DAB1: variants seen among roughly 807,000 people sequenced by gnomAD.
The protein encoded by DAB1 is DAB adaptor protein 1.
In DAB1, 15 loss-of-function variants were observed where a neutral mutation model predicts 64.6. The observed-to-expected ratio is 0.23, with a 90% confidence interval of 0.16 to 0.36. DAB1 has a LOEUF of 0.36. DAB1 is among the 10% of genes least tolerant of loss of function. The pLI is 1.00. For missense variants in DAB1, 596 were observed against 706.7 expected, an observed-to-expected ratio of 0.84 and a Z score of 1.78; for synonymous variants, 235 against 251.9, an observed-to-expected ratio of 0.93 and a Z score of 0.64.
intron 7 of DAB1, chr1:57,070,715 A>C (rs1013390426): frequency 4.4e-5 from 16 of 366,412 alleles, no homozygotes; most frequent in African/African-American, 2.9e-4. Flanking sequence ...ATGAACTCAG[A>C]ATATTCAAGA....
Position 58,300,642 on chromosome 1 carries a change from G to A in DAB1, n.309+42710C>T, listed in dbSNP as rs1233300379. Among the ~76,000 whole-genome samples, 275 of 51,630 alleles carry A rather than the reference G, an allele frequency of 5.3e-3. 6 individuals carry two copies. The highest frequency in any genetic ancestry group is 9.8e-3 in the Admixed American group (48 of 4,878). 33.9% of individuals were successfully genotyped at this position (51,630 alleles called of 152,430 possible). On this transcript the variant is annotated intron_variant and non_coding_transcript_variant, in intron 4 of 20. Coordinates refer to the DAB1 transcript ENST00000485760. The stretch of plus-strand genomic sequence containing the variant: ...AGAGAGAGAGAGAGAGAGAGAGAGA[G>A]AGAGAGGAAGGAAGGAAGGAAGGAA...
rs114352991 is a variant in DAB1 at position 58,286,613 on chromosome 1, A to G, written n.309+56739T>C. Among the ~76,000 whole-genome samples, 815 of 152,356 alleles carry G rather than the reference A, an allele frequency of 5.3e-3. 8 individuals carry two copies. Among genetic ancestry groups the G allele is most frequent in the African/African-American group, 0.019 (774 of 41,576 alleles). On this transcript the variant is annotated intron_variant and non_coding_transcript_variant, in intron 4 of 20. Coordinates refer to the DAB1 transcript ENST00000485760. ...TAGAGAAATGCAAATCCAAACTACA[A>G]TGAGATACTATCTCACACCAGCCAA...
At chr1:57,841,629 G>A (rs1325891803) in intron 1 of DAB1, among the ~76,000 whole-genome samples, 4 of 152,206 alleles carry the variant, frequency 2.6e-5, no homozygotes, top group Admixed American at 2.0e-4. Context: ...TGAATCAATG[G>A]CCTGAGCTGT....
chr1:58,021,279 T>G (rs1342858806), intron 5 of DAB1, among the ~76,000 whole-genome samples: 1 of 152,236 alleles, frequency 6.6e-6, no homozygotes, highest in African/African-American at 2.4e-5. Flanking sequence ...CATGTGCGTA[T>G]GACCTAAATC....
At chr1:57,189,636 A>C (rs1032109368) in intron 2 of DAB1, among the ~76,000 whole-genome samples, 1 of 152,084 alleles carries the variant, frequency 6.6e-6, no homozygotes, top group Non-Finnish European at 1.5e-5. Context: ...TCAAGCCTAG[A>C]GATACAAAGT....
chr1:58,464,645 G>C (rs1003365732), intron 3 of DAB1, among the ~76,000 whole-genome samples: 1 of 152,154 alleles, frequency 6.6e-6, no homozygotes, highest in African/African-American at 2.4e-5. Context: ...ATAACACAAA[G>C]ATATAGCACT....
At chr1:58,463,630 G>GT in intron 3 of DAB1, among the ~76,000 whole-genome samples, 1 of 152,318 alleles carries the variant, frequency 6.6e-6, no homozygotes, top group Middle Eastern at 3.4e-3. Flanking sequence ...GTGTGTACAT[G>GT]TATCTACGGC....
At chr1:57,537,429 G>C (rs1644743764) in intron 7 of DAB1, among the ~76,000 whole-genome samples, 1 of 152,150 alleles carries the variant, frequency 6.6e-6, no homozygotes, top group African/African-American at 2.4e-5. Context: ...ATATTACCTT[G>C]GGCTTTTCTC....
intron 5 of DAB1, among the ~76,000 whole-genome samples, chr1:57,904,008 T>C (rs141047312): frequency 4.0e-4 from 61 of 152,342 alleles, no homozygotes; most frequent in African/African-American, 7.9e-4. Flanking sequence ...TACATTCAAA[T>C]TCATACATCT....
intron 10 of DAB1, among the ~76,000 whole-genome samples, chr1:57,025,251 G>A (rs2100389508): frequency 6.6e-6 from 1 of 152,276 alleles, no homozygotes; most frequent in African/African-American, 2.4e-5. Context: ...ATCCAGCACT[G>A]GGATTCTGTT....
intron 5 of DAB1, among the ~76,000 whole-genome samples, chr1:58,118,503 T>TATACACACACACAC (rs1341446315): frequency 3.2e-4 from 17 of 53,104 alleles, no homozygotes; most frequent in African/African-American, 1.5e-3. Context: ...TATATATATA[T>TATACACACACACAC]ACACACACAC....
chr1:58,542,799 C>T (rs1266105960), intron 1 of DAB1, among the ~76,000 whole-genome samples: 2 of 152,106 alleles, frequency 1.3e-5, no homozygotes, highest in African/African-American at 2.4e-5. Context: ...CAGGCTTAGA[C>T]GGCCACATTC....
chr1:58,483,189 C>A (rs1399427076), intron 3 of DAB1, among the ~76,000 whole-genome samples: 1 of 152,200 alleles, frequency 6.6e-6, no homozygotes, highest in African/African-American at 2.4e-5. Flanking sequence ...CCTAGCTTAT[C>A]TGGCACTGTA....
At chr1:57,567,896 G>A (rs2101525221) in intron 7 of DAB1, among the ~76,000 whole-genome samples, 1 of 152,246 alleles carries the variant, frequency 6.6e-6, no homozygotes, top group East Asian at 1.9e-4. Flanking sequence ...AGCTACAAAT[G>A]ACTTTCTTCA....
rs538749301 is a variant in DAB1 at position 58,087,711 on chromosome 1, A to G, written n.387+62800T>C. On this transcript the variant is annotated intron_variant and non_coding_transcript_variant, in intron 5 of 20. Coordinates refer to the DAB1 transcript ENST00000485760. Reference sequence around the variant, plus strand: ...GGAAGCAGAACAGCATTTACCTGAAAATAAAAAGTTAGATGGGAAAAGAAA... The same window carrying G: ...GGAAGCAGAACAGCATTTACCTGAAGATAAAAAGTTAGATGGGAAAAGAAA... Among the ~76,000 whole-genome samples the G allele has an allele frequency of 1.2e-4, 17 of 145,910 alleles. No homozygotes were observed. The East Asian group carries it at 3.6e-3, about 31-fold the overall frequency.
At chr1:57,088,351 G>T (rs919931129) in intron 4 of DAB1, among the ~76,000 whole-genome samples, 1 of 152,164 alleles carries the variant, frequency 6.6e-6, no homozygotes, top group Non-Finnish European at 1.5e-5. Context: ...GATTACAGGC[G>T]TGAGCCAGTG....
intron 5 of DAB1, among the ~76,000 whole-genome samples, chr1:58,061,709 C>A (rs1045587233): frequency 6.6e-6 from 1 of 152,174 alleles, no homozygotes; most frequent in African/African-American, 2.4e-5. Context: ...CCATAACATT[C>A]TCTAAGGCTG....
At chr1:58,175,281 CA>C (rs1381042371) in intron 4 of DAB1, among the ~76,000 whole-genome samples, 12 of 152,220 alleles carry the variant, frequency 7.9e-5, no homozygotes, top group Non-Finnish European at 1.0e-4. Context: ...CTGCGAAGGT[CA>C]GTGGCTTCAC....
chr1:58,234,254 A>G (rs1389684617), intron 4 of DAB1, among the ~76,000 whole-genome samples: 35 of 152,166 alleles, frequency 2.3e-4, no homozygotes, highest in African/African-American at 4.8e-5. Flanking sequence ...GCAAATATCT[A>G]TCGATTATTG....
Sources: gnomAD v4.1 joint callset for allele counts (sites outside exome capture counted in the v4.1 genomes callset) on GRCh38, gnomAD v4.1.1 for gene constraint, MANE v1.5 for transcripts, NCBI Gene and HGNC (gene_info 2026-07-23, HGNC 2026-07-21) for gene names.